Variants in BOC observed in about 807,000 individuals in gnomAD.
The protein encoded by BOC is brother of CDO.
A neutral mutation model predicts 112.0 loss-of-function variants in BOC; 76 were observed. The observed-to-expected ratio is 0.68, with a 90% CI of 0.56 to 0.82. BOC has a LOEUF of 0.82. Ranked by LOEUF, BOC falls within the 40% of genes least tolerant of loss-of-function variation. The pLI is 0.00. For synonymous variants in BOC, 580 were observed against 599.8 expected (o/e 0.97, Z 0.48); for missense variants, 1,309 against 1,511.7 (o/e 0.87, Z 2.22).
chr3:113,224,813 G>C (rs1477114240), intron 2 of BOC, among the ~76,000 whole-genome samples: 1 of 152,152 alleles, frequency 6.6e-6, no homozygotes, highest in African/African-American at 2.4e-5. Flanking sequence ...ACAAAAATAG[G>C]CCGGGCATGG....
At position 113,272,534 on chromosome 3, in the gene BOC, G is replaced by A; in HGVS notation, c.792G>A (p.Trp264Ter). ...GAATCCCACCCCCACGGGTCACCTG[G>A]GCCAAGGATGGGTCCAGTGTCACCG... ...ASGIPPPRVT[W>*]AKDGSSVTGY... The change falls in exon 7 of 20, where the codon TGG (tryptophan) becomes TGA (stop). Residue 264 changes from tryptophan (W) to a stop codon, truncating the protein, a stop_gained. Transcript: ENST00000682979. LOFTEE classifies it high-confidence loss of function. 2 of 1,614,032 alleles carry A rather than the reference G, an allele frequency of 1.2e-6. No homozygotes were observed. The highest frequency in any genetic ancestry group is 1.7e-6 in the Non-Finnish European group (2 of 1,179,990).
intron 2 of BOC, among the ~76,000 whole-genome samples, chr3:113,242,974 G>A (rs2107832631): frequency 6.6e-6 from 1 of 152,256 alleles, no homozygotes; most frequent in East Asian, 1.9e-4. Flanking sequence ...TTTAATATAG[G>A]GGTTGGCAGT....
intron 2 of BOC, among the ~76,000 whole-genome samples, chr3:113,232,682 C>T (rs73235136): frequency 0.2 from 30,222 of 151,768 alleles, 3,747 homozygotes; most frequent in East Asian, 0.47. Context: ...GGTATCCAGC[C>T]CCTGAGATAT....
In BOC at chr3:113,279,888, C is replaced by A; in HGVS notation, c.2088C>A (p.Pro696=). 2 of 1,613,970 alleles carry A rather than the reference C, an allele frequency of 1.2e-6. No homozygotes were observed. The highest frequency in any genetic ancestry group is 1.7e-6 in the Non-Finnish European group (2 of 1,179,942). Residue 696 remains proline, a synonymous_variant, in exon 13 of 20, where the codon CCC becomes CCA. Transcript: ENST00000682979. ...NMLGESEPSA[P]SRPYVVSGYS... ...TGGGGGAGAGCGAGCCCAGCGCCCCCTCTCGGCCCTACGTGGTGTCGGGCT... is the reference window on the plus strand; with the variant it reads ...TGGGGGAGAGCGAGCCCAGCGCCCCATCTCGGCCCTACGTGGTGTCGGGCT...
intron 9 of BOC, among the ~76,000 whole-genome samples, chr3:113,275,395 G>A (rs1948557659): frequency 6.6e-6 from 1 of 152,176 alleles, no homozygotes; most frequent in African/African-American, 2.4e-5. Flanking sequence ...TGGACACTGT[G>A]TCCTGTGAGG....
chr3:113,279,894 G>A lies in BOC; in HGVS notation c.2094G>A (p.Arg698=), dbSNP rs954897563. The A allele has an allele frequency of 2.5e-6, 4 of 1,613,876 alleles. No homozygotes were observed. The African/African-American group carries it at 5.3e-5, about 22-fold the overall frequency. Residue 698 remains arginine, a synonymous_variant, in exon 13 of 20, where the codon CGG becomes CGA. Coordinates refer to ENST00000682979, the MANE Select transcript of BOC (RefSeq NM_001378074.1). ...AGAGCGAGCCCAGCGCCCCCTCTCGGCCCTACGTGGTGTCGGGCTACAGCG... is the reference window on the plus strand; with the variant it reads ...AGAGCGAGCCCAGCGCCCCCTCTCGACCCTACGTGGTGTCGGGCTACAGCG... ...LGESEPSAPS[R]PYVVSGYSGR... is the part of the protein sequence containing the mutation.
At chr3:113,285,704 G>A in intron 19 of BOC, 139 bp downstream of exon 19, 1 of 896,308 alleles carries the variant, frequency 1.1e-6, no homozygotes, top group Non-Finnish European at 1.6e-6. Flanking sequence ...GAGGGATGGG[G>A]CATCGAGGGT....
rs3814405 is a variant in BOC, at chr3:113,284,426, G to T, written c.2748G>T (p.Gln916His). The change falls in exon 17 of 20, where the codon CAG (glutamine) becomes CAT (histidine). Residue 916 changes from glutamine (Q) to histidine (H), a missense_variant. Transcript: ENST00000682979. The stretch of plus-strand genomic sequence containing the variant: ...CATTGGGAGGACTCCCAGGCCACCA[G>T]GCCAGTGGACAGCCCTACCTCAGTG... ...MVPLGGLPGH[Q>H]ASGQPYLSGI... is the part of the protein sequence containing the mutation. 71,691 of 1,614,226 alleles carry T rather than the reference G, an allele frequency of 0.044. 1,761 individuals are homozygous for T. Among genetic ancestry groups the T allele is most frequent in the African/African-American group, 0.066 (4,947 of 75,052 alleles).
intron 1 of BOC, among the ~76,000 whole-genome samples, chr3:113,215,149 A>T (rs1052551130): frequency 6.6e-6 from 1 of 152,216 alleles, no homozygotes; most frequent in Non-Finnish European, 1.5e-5. Context: ...GAGCCTTAAC[A>T]TGTAACATTT....
intron 19 of BOC, 71 bp from the exon 20 acceptor site, chr3:113,286,604 G>T: frequency 7.8e-7 from 1 of 1,289,174 alleles, no homozygotes. Context: ...ATAGAGATTG[G>T]CCCAGTGTCA....
In BOC at chr3:113,286,697, T is replaced by A. The variant is rs1483933235; in HGVS notation, c.3183T>A (p.Leu1061=). Residue 1061 remains leucine, a synonymous_variant, in exon 20 of 20, where the codon CTT becomes CTA. Coordinates refer to ENST00000682979, the MANE Select transcript of BOC (RefSeq NM_001378074.1). ...CAGGGCCCCCATGCTGCTTGGGCCT[T>A]GTGCCAGTTGAAGAGGTGGACAGTC... ...FHSGPPCCLG[L]VPVEEVDSPD... is the part of the protein sequence containing the mutation. 3 of 1,600,776 alleles carry A rather than the reference T, an allele frequency of 1.9e-6. No individual in the cohort carries two copies. In the East Asian group the frequency reaches 6.8e-5, roughly 36 times the overall value.
In BOC at chr3:113,211,841, C is replaced by T. The variant is rs1334869278; in HGVS notation, c.-345C>T. Reference sequence around the variant, plus strand: ...GCCCTCCCTCTCCGGCCCGCAACTTCTCGGTCCTCGGCTCCTTTGTTGCTC... The same window carrying T: ...GCCCTCCCTCTCCGGCCCGCAACTTTTCGGTCCTCGGCTCCTTTGTTGCTC... On this transcript the variant is annotated 5_prime_UTR_variant, in exon 1 of 20. Transcript: ENST00000682979. 3.9e-5 allele frequency: 6 copies of T among 152,574 alleles called. No homozygotes were observed. Among genetic ancestry groups the T allele is most frequent in the Non-Finnish European group, 7.3e-5 (5 of 68,380 alleles). 9.5% of individuals were successfully genotyped at this position (152,574 alleles called of 1,614,324 possible).
At chr3:113,234,137 A>T (rs1462565048) in intron 2 of BOC, among the ~76,000 whole-genome samples, 2 of 152,204 alleles carry the variant, frequency 1.3e-5, no homozygotes, top group African/African-American at 4.8e-5. Context: ...TGTGAAAATG[A>T]CAGTGTAGAT....
intron 2 of BOC, among the ~76,000 whole-genome samples, 162 bp from the exon 3 acceptor site, chr3:113,249,560 A>G (rs544886405): frequency 7.2e-5 from 11 of 152,302 alleles, no homozygotes; most frequent in Admixed American, 1.3e-4. Context: ...TAGATGAGAA[A>G]TGGCACTATA....
rs1436220857 is a variant in BOC, at chr3:113,273,147, G to C, written c.1040G>C (p.Arg347Pro). 2 of 1,613,848 alleles carry C rather than the reference G, an allele frequency of 1.2e-6. No homozygotes were observed. The highest frequency in any genetic ancestry group is 1.3e-5 in the African/African-American group (1 of 74,936). ...AGTGCCAAGCTTACCTGTGAGGTGC[G>C]TGGGAACCCCCCGCCCTCCGTGCTG... Reference protein sequence around the residue: ...GQSAKLTCEVRGNPPPSVLWL... With the variant: ...GQSAKLTCEVPGNPPPSVLWL... Residue 347 changes from arginine to proline, a missense_variant, in exon 8 of 20, where the codon CGT becomes CCT. Arg to Pro is a moderately radical substitution (Grantham distance 103). Coordinates refer to ENST00000682979, the MANE Select transcript of BOC (RefSeq NM_001378074.1).
chr3:113,282,610 G>T (rs1357764713), intron 15 of BOC, among the ~76,000 whole-genome samples: 1 of 152,148 alleles, frequency 6.6e-6, no homozygotes. Context: ...CCGTGCAGGG[G>T]GTCCGGGTGG....
At chr3:113,242,460 G>A (rs1488493065) in intron 2 of BOC, among the ~76,000 whole-genome samples, 1 of 152,144 alleles carries the variant, frequency 6.6e-6, no homozygotes, top group Non-Finnish European at 1.5e-5. Flanking sequence ...CAGAAGCTCT[G>A]TGGGCAAATC....
Position 113,279,471 on chromosome 3 carries a change from C to T in BOC, c.2023+16C>T. 2 of 1,611,472 alleles carry T rather than the reference C, an allele frequency of 1.2e-6. No homozygotes were observed. The highest frequency in any genetic ancestry group is 1.3e-5 in the African/African-American group (1 of 74,912). ...CTAGAGAAAGGTAGGGGCCTGGCCACACCGTGGCCTTGGCCTGATCCCCCA... is the reference window on the plus strand; with the variant it reads ...CTAGAGAAAGGTAGGGGCCTGGCCATACCGTGGCCTTGGCCTGATCCCCCA... On this transcript the variant is annotated intron_variant, in intron 12 of 19. Coordinates refer to ENST00000682979, the MANE Select transcript of BOC (RefSeq NM_001378074.1).
chr3:113,243,664 C>G (rs1239890193), intron 2 of BOC, among the ~76,000 whole-genome samples: 2 of 152,126 alleles, frequency 1.3e-5, no homozygotes, highest in Non-Finnish European at 2.9e-5. Flanking sequence ...ACCCTCCCCA[C>G]CCTGCAAACA....
Sources: gnomAD v4.1 joint callset for allele counts (sites outside exome capture counted in the v4.1 genomes callset) on GRCh38, gnomAD v4.1.1 for gene constraint, MANE v1.5 for transcripts, NCBI Gene and HGNC (gene_info 2026-07-23, HGNC 2026-07-21) for gene names.